RAD54B: variants seen among roughly 807,000 people sequenced by gnomAD.
RAD54B encodes RAD54 homolog B.
A neutral mutation model predicts 95.8 loss-of-function variants in RAD54B; 78 were observed. The ratio of observed to expected loss-of-function variants is 0.81; its 90% confidence interval spans 0.68 to 0.98. The LOEUF is 0.98. RAD54B is among the 50% of genes least tolerant of loss of function. RAD54B has a pLI of 0.00. For synonymous variants in RAD54B, 328 were observed against 354.9 expected, an observed-to-expected ratio of 0.92 and a Z score of 0.85; for missense variants, 957 against 1,056.6, an observed-to-expected ratio of 0.91 and a Z score of 1.31.
Position 94,378,551 on chromosome 8 carries a change from C to T in RAD54B, c.2314+17G>A. ...ATTCAAAGAGTATACATTTTTGTCACACTGAAGGGTTGTTACCTGTAGTTA... is the reference window on the plus strand; with the variant it reads ...ATTCAAAGAGTATACATTTTTGTCATACTGAAGGGTTGTTACCTGTAGTTA... On this transcript the variant is annotated intron_variant, in intron 13 of 14. Coordinates refer to ENST00000336148, the MANE Select transcript of RAD54B (RefSeq NM_012415.3). 6.3e-7 allele frequency: 1 copy of T among 1,580,704 alleles called. No homozygotes were observed. Among genetic ancestry groups the T allele is most frequent in the African/African-American group, 1.4e-5 (1 of 73,438 alleles).
intron 11 of RAD54B, among the ~76,000 whole-genome samples, chr8:94,380,957 G>A (rs1306385416): frequency 6.6e-6 from 1 of 152,102 alleles, no homozygotes; most frequent in African/African-American, 2.4e-5. Flanking sequence ...TTATTATCTG[G>A]AGAAAATAAA....
At chr8:94,457,025 G>A (rs1812793661) in intron 3 of RAD54B, among the ~76,000 whole-genome samples, 1 of 152,172 alleles carries the variant, frequency 6.6e-6, no homozygotes, top group Admixed American at 6.5e-5. Context: ...TAGCAGGGAA[G>A]AGAATGAGAA....
chr8:94,425,911 T>C (rs1811930096), intron 3 of RAD54B, among the ~76,000 whole-genome samples: 1 of 152,060 alleles, frequency 6.6e-6, no homozygotes, highest in Non-Finnish European at 1.5e-5. Context: ...AAATTATTCA[T>C]CAATTTCACT....
chr8:94,402,408 C>A (rs968471332), intron 6 of RAD54B, among the ~76,000 whole-genome samples: 3 of 152,036 alleles, frequency 2.0e-5, no homozygotes, highest in African/African-American at 7.2e-5. Flanking sequence ...TGCCTGCCAC[C>A]ACACCCAGCT....
intron 2 of RAD54B, among the ~76,000 whole-genome samples, chr8:94,467,090 C>A (rs1219170828): frequency 6.6e-6 from 1 of 152,022 alleles, no homozygotes; most frequent in Admixed American, 6.6e-5. Flanking sequence ...CACCACACCC[C>A]ACTAAATTTT....
intron 3 of RAD54B, among the ~76,000 whole-genome samples, chr8:94,411,796 C>T (rs895608617): frequency 6.6e-6 from 1 of 151,994 alleles, no homozygotes; most frequent in Non-Finnish European, 1.5e-5. Flanking sequence ...AGGTGCACAA[C>T]ATTCTGTTTT....
chr8:94,420,182 T>C (rs567216537), intron 3 of RAD54B, among the ~76,000 whole-genome samples: 2 of 151,970 alleles, frequency 1.3e-5, no homozygotes, highest in Non-Finnish European at 2.9e-5. Flanking sequence ...ATTCCTGTCA[T>C]TAAGCAACAT....
In RAD54B at chr8:94,403,877, GTA is replaced by G. The variant is rs3214998; in HGVS notation, c.944+198_944+199del. On this transcript the variant is annotated intron_variant, in intron 6 of 14. Transcript: ENST00000336148. ...ATTCCCATATGCCCACCTCCTAGCA[GTA>G]TGTTTGGCACGTGGCATCTATCAAG... Among the ~76,000 whole-genome samples, 72,453 of 151,660 alleles carry G rather than the reference GTA, an allele frequency of 0.48. 18,470 individuals carry two copies. The highest frequency in any genetic ancestry group is 0.59 in the Non-Finnish European group (39,875 of 67,850).
At chr8:94,427,708 CA>C in intron 3 of RAD54B, 1 of 983,150 alleles carries the variant, frequency 1.0e-6, no homozygotes, top group African/African-American at 1.7e-5. Context: ...AAAAAGTACA[CA>C]AATCAGTACA....
At chr8:94,431,893 G>A in intron 3 of RAD54B, 1 of 1,181,516 alleles carries the variant, frequency 8.5e-7, no homozygotes, top group East Asian at 3.8e-5. Flanking sequence ...CTTTTGTAAG[G>A]TCAACAATTA....
chr8:94,453,532 A>T (rs1378359899), intron 3 of RAD54B, among the ~76,000 whole-genome samples: 3 of 152,168 alleles, frequency 2.0e-5, no homozygotes, highest in Non-Finnish European at 4.4e-5. Context: ...CCGTCTCAAA[A>T]AAATAAATAA....
intron 10 of RAD54B, among the ~76,000 whole-genome samples, chr8:94,391,003 T>A (rs1811004734): frequency 6.6e-6 from 1 of 152,182 alleles, no homozygotes; most frequent in South Asian, 2.1e-4. Context: ...TGTGATGTCA[T>A]GTTGGCACTC....
chr8:94,443,380 T>C (rs777267822), intron 3 of RAD54B, among the ~76,000 whole-genome samples: 38 of 152,294 alleles, frequency 2.5e-4, no homozygotes, highest in African/African-American at 9.1e-4. Context: ...ATCTAGGTGA[T>C]GGGATGACCT....
At chr8:94,443,000 C>T (rs1236697898) in intron 3 of RAD54B, among the ~76,000 whole-genome samples, 1 of 152,154 alleles carries the variant, frequency 6.6e-6, no homozygotes, top group South Asian at 2.1e-4. Context: ...GGATACATAT[C>T]CCCTAAAACC....
chr8:94,434,918 C>T (rs1434691114), intron 3 of RAD54B, among the ~76,000 whole-genome samples: 1 of 151,222 alleles, frequency 6.6e-6, no homozygotes, highest in Non-Finnish European at 1.5e-5. Flanking sequence ...TAAATATTCA[C>T]ACACACAAAT....
At chr8:94,458,685 G>A (rs1812833076) in intron 2 of RAD54B, among the ~76,000 whole-genome samples, 1 of 152,082 alleles carries the variant, frequency 6.6e-6, no homozygotes, top group African/African-American at 2.4e-5. Context: ...TGGCCAACAT[G>A]GTGAAACACT....
chr8:94,452,515 T>G (rs1014292189), intron 3 of RAD54B, among the ~76,000 whole-genome samples: 1 of 142,660 alleles, frequency 7.0e-6, no homozygotes, highest in African/African-American at 2.5e-5. Context: ...CTTTTTTCTT[T>G]TTTTGAGATA....
chr8:94,458,475 C>T (rs747428965), intron 2 of RAD54B, 39 bp from the exon 3 acceptor site: 42 of 1,435,068 alleles, frequency 2.9e-5, no homozygotes, highest in Non-Finnish European at 3.7e-5. Context: ...AGAACTCAAA[C>T]CTAATTTTCT....
chr8:94,432,340 A>T, intron 3 of RAD54B: 14 of 1,550,372 alleles, frequency 9.0e-6, no homozygotes, highest in Non-Finnish European at 1.2e-5. Flanking sequence ...TGAGGATCAT[A>T]CCCTAATAGT....
Sources: allele counts gnomAD v4.1 joint callset (sites outside exome capture counted in the v4.1 genomes callset), GRCh38; gene constraint gnomAD v4.1.1; transcripts MANE v1.5; gene names NCBI Gene and HGNC (gene_info 2026-07-23, HGNC 2026-07-21).